Variants in DRC11 observed in about 807,000 individuals in gnomAD.
DRC11 encodes the protein dynein regulatory complex subunit 11.
the DRC11 span, among the ~76,000 whole-genome samples, chr2:236,460,473 T>A: frequency 1.3e-5 from 2 of 152,194 alleles, no homozygotes; most frequent in Non-Finnish European, 2.9e-5. This position sits in a 1 kb window ranked among gnomAD's most constrained non-coding sequence, Gnocchi z 4.0. Flanking sequence ...TGTCAAAAGA[T>A]GGTTGCCACG....
chr2:236,451,518 A>G, the DRC11 span, among the ~76,000 whole-genome samples: 1 of 152,184 alleles, frequency 6.6e-6, no homozygotes, highest in African/African-American at 2.4e-5. Flanking sequence ...CTCTGTCTTA[A>G]TCGAGCTTAC....
At chr2:236,473,793 AT>A in the DRC11 span, among the ~76,000 whole-genome samples, 2 of 151,750 alleles carry the variant, frequency 1.3e-5, no homozygotes, top group African/African-American at 2.4e-5. This position sits in a 1 kb window ranked among gnomAD's most constrained non-coding sequence, Gnocchi z 4.8. Context: ...AAAAAAAAAA[AT>A]TTATATGACA....
the DRC11 span, among the ~76,000 whole-genome samples, chr2:236,466,888 G>A: frequency 1.3e-5 from 2 of 152,108 alleles, no homozygotes; most frequent in Non-Finnish European, 2.9e-5. Flanking sequence ...GTATGTCCTT[G>A]AGTGTAACTT....
chr2:236,504,292 C>G, the DRC11 span, among the ~76,000 whole-genome samples: 2 of 152,100 alleles, frequency 1.3e-5, no homozygotes, highest in Non-Finnish European at 1.5e-5. This position sits in a 1 kb window ranked among gnomAD's most constrained non-coding sequence, Gnocchi z 5.0. Flanking sequence ...TCATTTCTTT[C>G]TATTGCTAAG....
At chr2:236,373,185 T>C in the DRC11 span, among the ~76,000 whole-genome samples, 1 of 152,038 alleles carries the variant, frequency 6.6e-6, no homozygotes, top group Non-Finnish European at 1.5e-5. Context: ...ATTTGTCACC[T>C]CATTTCTGGG....
the DRC11 span, among the ~76,000 whole-genome samples, chr2:236,461,860 G>T: frequency 6.6e-6 from 1 of 152,170 alleles, no homozygotes; most frequent in Non-Finnish European, 1.5e-5. This position sits in a 1 kb window ranked among gnomAD's most constrained non-coding sequence, Gnocchi z 4.0. Flanking sequence ...GGAGCAAAGT[G>T]GAGGGGCTCT....
chr2:236,423,073 C>T, the DRC11 span, among the ~76,000 whole-genome samples: 1 of 150,912 alleles, frequency 6.6e-6, no homozygotes, highest in Non-Finnish European at 1.5e-5. Context: ...AAGACTTAAA[C>T]GTTAGACCTA....
chr2:236,332,226 T>G, the DRC11 span: 8 of 152,552 alleles, frequency 5.2e-5, no homozygotes, highest in African/African-American at 1.9e-4. The surrounding 1 kb of genome is among the most constrained non-coding windows in gnomAD (Gnocchi z 5.1). Flanking sequence ...CTGGGTGTTC[T>G]CTGGTTCGTG....
the DRC11 span, chr2:236,391,344 A>G: frequency 6.6e-6 from 1 of 152,456 alleles, no homozygotes; most frequent in Non-Finnish European, 1.5e-5. The surrounding 1 kb of genome is among the most constrained non-coding windows in gnomAD (Gnocchi z 4.5). Context: ...CCAGTCATGG[A>G]ACGTGGAGAA....
chr2:236,429,293 G>A, the DRC11 span, among the ~76,000 whole-genome samples: 1 of 152,238 alleles, frequency 6.6e-6, no homozygotes, highest in African/African-American at 2.4e-5. The surrounding 1 kb of genome is among the most constrained non-coding windows in gnomAD (Gnocchi z 5.9). Context: ...TGCACATGTG[G>A]CACTGGGGGC....
At chr2:236,312,242 C>T in the DRC11 span, among the ~76,000 whole-genome samples, 2 of 152,144 alleles carry the variant, frequency 1.3e-5, no homozygotes. Context: ...CTTTCAAAGC[C>T]ATTTCAGTCT....
the DRC11 span, among the ~76,000 whole-genome samples, chr2:236,350,602 G>C: frequency 6.6e-6 from 1 of 152,370 alleles, no homozygotes; most frequent in African/African-American, 2.4e-5. The surrounding 1 kb of genome is among the most constrained non-coding windows in gnomAD (Gnocchi z 5.2). Flanking sequence ...GATGAGTCAT[G>C]TGCTGGCTCA....
At chr2:236,440,690 T>TA in the DRC11 span, among the ~76,000 whole-genome samples, 1 of 151,692 alleles carries the variant, frequency 6.6e-6, no homozygotes, top group African/African-American at 2.4e-5. Context: ...CACAGGTGAG[T>TA]AGGCTGCTGG....
At chr2:236,465,686 C>T in the DRC11 span, 5 of 1,611,944 alleles carry the variant, frequency 3.1e-6, no homozygotes, top group Admixed American at 1.7e-5. The surrounding 1 kb of genome is among the most constrained non-coding windows in gnomAD (Gnocchi z 6.2). Flanking sequence ...GTAGCACTGA[C>T]TTCATTAAAG....
At chr2:236,507,440 G>T in the DRC11 span, 1 of 663,332 alleles carries the variant, frequency 1.5e-6, no homozygotes. Flanking sequence ...GGCAGGAAAA[G>T]GTGAGGCCGG....
the DRC11 span, chr2:236,324,478 G>C: frequency 4.4e-6 from 2 of 457,370 alleles, no homozygotes; most frequent in African/African-American, 4.0e-5. This position sits in a 1 kb window ranked among gnomAD's most constrained non-coding sequence, Gnocchi z 5.7. Context: ...TGTCCAGCCT[G>C]GGAAAGGCAT....
chr2:236,453,414 G>A, the DRC11 span, among the ~76,000 whole-genome samples: 140 of 152,260 alleles, frequency 9.2e-4, no homozygotes, highest in Non-Finnish European at 1.6e-3. The surrounding 1 kb of genome is among the most constrained non-coding windows in gnomAD (Gnocchi z 4.9). Context: ...TCTGCTCAAA[G>A]CAACACATAC....
At chr2:236,351,548 G>T in the DRC11 span, among the ~76,000 whole-genome samples, 2 of 152,208 alleles carry the variant, frequency 1.3e-5, no homozygotes, top group Non-Finnish European at 2.9e-5. The surrounding 1 kb of genome is among the most constrained non-coding windows in gnomAD (Gnocchi z 7.3). Context: ...GTATCCTGGA[G>T]GCTGTGGAAG....
At chr2:236,498,715 C>T in the DRC11 span, among the ~76,000 whole-genome samples, 2 of 152,112 alleles carry the variant, frequency 1.3e-5, no homozygotes, top group Admixed American at 6.6e-5. Flanking sequence ...AGAATACTGC[C>T]CCATCCTTTG....
Sources: allele counts gnomAD v4.1 joint callset (sites outside exome capture counted in the v4.1 genomes callset), GRCh38; gene constraint gnomAD v4.1.1; non-coding constraint Gnocchi (gnomAD v3.1); transcripts MANE v1.5; gene names NCBI Gene and HGNC (gene_info 2026-07-23, HGNC 2026-07-21).